Variants in DENND4A observed in about 807,000 individuals in gnomAD.
The protein encoded by DENND4A is DENN domain containing 4A, also known as C-myc promoter-binding protein.
A neutral mutation model predicts 199.3 loss-of-function variants in DENND4A; 70 were observed. That is an observed-to-expected ratio of 0.35 (90% CI 0.29 to 0.43). The LOEUF (loss-of-function observed/expected upper bound fraction) is 0.43, where lower values mean the gene tolerates loss of function less well. DENND4A is among the 20% of genes least tolerant of loss of function. The pLI is 1.00. For missense variants in DENND4A, 1,723 were observed against 2,255.8 expected (o/e 0.76, Z 4.78); for synonymous variants, 686 against 766.9 (o/e 0.89, Z 1.74).
chr15:65,702,599 C>A, intron 16 of DENND4A, 88 bp from the exon 17 acceptor site: 1 of 1,141,208 alleles, frequency 8.8e-7, no homozygotes, highest in Non-Finnish European at 1.3e-6. Flanking sequence ...AAGTCACATG[C>A]TTTTATAATG....
intron 1 of DENND4A, among the ~76,000 whole-genome samples, chr15:65,775,932 A>G (rs775264556): frequency 4.6e-5 from 7 of 152,208 alleles, no homozygotes; most frequent in Non-Finnish European, 8.8e-5. Context: ...CCACCTTTGC[A>G]AATTCAGTTC....
Position 65,781,423 on chromosome 15 carries a change from G to A in DENND4A, c.-102+10587C>T, listed in dbSNP as rs147853526. Among the ~76,000 whole-genome samples the A allele has an allele frequency of 4.2e-3, 644 of 152,236 alleles. 7 individuals are homozygous for A. The highest frequency in any genetic ancestry group is 0.015 in the African/African-American group (609 of 41,522). ...ATAAAACCGAAGACAGGAAAACTAC[G>A]AAAAAGTAAGGAAATAGTTCCTAAT... On this transcript the variant is annotated intron_variant, in intron 1 of 32. Coordinates refer to ENST00000443035, the MANE Select transcript of DENND4A (RefSeq NM_001320835.1).
At chr15:65,727,811 A>C (rs985576636) in intron 11 of DENND4A, 2 of 399,728 alleles carry the variant, frequency 5.0e-6, no homozygotes. Context: ...AAGGGACACA[A>C]AACAATACAG....
chr15:65,676,444 C>T lies in DENND4A; in HGVS notation c.4369+1G>A, dbSNP rs201112952. ...AGTATGACAGAACTGTTTGGACAAA[C>T]CTTCCAAGGATGCAGAACTTTCCAG... is the stretch of plus-strand genomic sequence containing the variant. On this transcript the variant is annotated splice_donor_variant, in intron 24 of 32. Coordinates refer to ENST00000443035, the MANE Select transcript of DENND4A (RefSeq NM_001320835.1). LOFTEE classifies it high-confidence loss of function. 2 of 1,595,858 alleles carry T rather than the reference C, an allele frequency of 1.3e-6. No individual in the cohort carries two copies. Among genetic ancestry groups the T allele is most frequent in the Non-Finnish European group, 1.7e-6 (2 of 1,170,234 alleles).
intron 14 of DENND4A, among the ~76,000 whole-genome samples, chr15:65,714,747 C>T (rs978810979): frequency 2.0e-5 from 3 of 152,186 alleles, no homozygotes; most frequent in African/African-American, 4.8e-5. Flanking sequence ...GGTTCTGACA[C>T]CCTGTAGCAG....
Position 65,701,175 on chromosome 15 carries a change from G to C in DENND4A, c.2577C>G (p.Thr859=). 1 of 1,591,138 alleles carries C rather than the reference G, an allele frequency of 6.3e-7. No individual in the cohort carries two copies. Among genetic ancestry groups the C allele is most frequent in the Non-Finnish European group, 8.5e-7 (1 of 1,173,224 alleles). ...GYYNKAVLES[T]WPSRSRSGYF... is the part of the protein sequence containing the mutation. Reference sequence around the variant, plus strand: ...AGCCACTACGACTTCTTGAAGGCCAGGTACTTTCCAAAACAGCCTATTCAT... The same window carrying C: ...AGCCACTACGACTTCTTGAAGGCCACGTACTTTCCAAAACAGCCTATTCAT... Residue 859 remains threonine, a synonymous_variant, in exon 19 of 33, where the codon ACC becomes ACG. Transcript: ENST00000443035.
rs770699120 is a variant in DENND4A, at chr15:65,691,206, G to A, written c.3388C>T (p.Pro1130Ser). ...RPNTLDIGKP[P>S]LRSKRDSLEK... is the part of the protein sequence containing the mutation. ...AGACTGTCTCTTTTTGATCTTAAAG[G>A]TGGCTTCCCAATATCAAGAGTATTT... is the stretch of plus-strand genomic sequence containing the variant. The change falls in exon 23 of 33, where the codon CCT (proline) becomes TCT (serine). Residue 1130 changes from proline (P) to serine (S), a missense_variant. Transcript: ENST00000443035. The A allele has an allele frequency of 4.3e-6, 7 of 1,613,212 alleles. No individual in the cohort carries two copies. The East Asian group carries it at 1.3e-4, about 31-fold the overall frequency.
At chr15:65,697,582 G>T (rs2077190974) in intron 20 of DENND4A, among the ~76,000 whole-genome samples, 199 bp from the exon 21 acceptor site, 1 of 152,084 alleles carries the variant, frequency 6.6e-6, no homozygotes, top group South Asian at 2.1e-4. Context: ...ATTAATATAA[G>T]AAAGAGATGA....
chr15:65,729,050 A>G lies in DENND4A; in HGVS notation c.1487+22T>C, dbSNP rs373202735. The G allele has an allele frequency of 1.1e-4, 169 of 1,555,956 alleles. 1 individual carries two copies. In the African/African-American group the frequency reaches 2.0e-3, roughly 19 times the overall value. On this transcript the variant is annotated intron_variant, in intron 11 of 32. Coordinates refer to ENST00000443035, the MANE Select transcript of DENND4A (RefSeq NM_001320835.1). Reference sequence around the variant, plus strand: ...CTACAAAGTTGTAAAATATACATGTAGAATCACTAAAATGTACTTACTGAG... The same window carrying G: ...CTACAAAGTTGTAAAATATACATGTGGAATCACTAAAATGTACTTACTGAG...
chr15:65,671,830 C>T lies in DENND4A; in HGVS notation c.4426G>A (p.Ala1476Thr), dbSNP rs368688439. The change falls in exon 25 of 33, where the codon GCG (alanine) becomes ACG (threonine). Residue 1476 changes from alanine (A) to threonine (T), a missense_variant. Ala to Thr is a moderately conservative substitution (Grantham distance 58). This residue lies in a region of DENND4A where 650 missense variants were observed against 738.1 expected (regional missense o/e 0.88). Transcript: ENST00000443035. Reference protein sequence around the residue: ...GKSEVTSSFNASNTNIFQNYA... With the variant: ...GKSEVTSSFNTSNTNIFQNYA... The stretch of plus-strand genomic sequence containing the variant: ...TTCTGGAAGATATTTGTATTACTCG[C>T]GTTGAAGGAAGATGTCACTTCTGAT... 138 of 1,612,590 alleles carry T rather than the reference C, an allele frequency of 8.6e-5. No individual in the cohort carries two copies. In the South Asian group the frequency reaches 9.9e-4, roughly 12 times the overall value.
Position 65,690,482 on chromosome 15 carries a change from C to T in DENND4A, c.4112G>A (p.Gly1371Glu), listed in dbSNP as rs777761981. The T allele has an allele frequency of 1.2e-6, 2 of 1,610,332 alleles. No individual in the cohort carries two copies. Among genetic ancestry groups the T allele is most frequent in the Non-Finnish European group, 1.7e-6 (2 of 1,178,314 alleles). ...DVLRNSMFTA[G>E]KGVAEKASKW... ...GCTTGCTTTCTCTGCAACTCCTTTT[C>T]CAGCAGTGAACATACTGTTTCTTAG... Residue 1371 changes from glycine (G) to glutamate (E), a missense_variant, in exon 23 of 33, where the codon GGA becomes GAA. Transcript: ENST00000443035.
chr15:65,667,722 C>A lies in DENND4A; in HGVS notation c.4987-19G>T, dbSNP rs1161106637. On this transcript the variant is annotated intron_variant, in intron 28 of 32. Transcript: ENST00000443035. ...AAGAATCCTGTTGAATAAATAAAAA[C>A]CATAAATGGCAAATGCAAAATAATA... The A allele has an allele frequency of 1.9e-6, 3 of 1,593,456 alleles. No homozygotes were observed. The highest frequency in any genetic ancestry group is 1.8e-5 in the Admixed American group (1 of 55,160).
intron 24 of DENND4A, among the ~76,000 whole-genome samples, chr15:65,676,141 A>AAAATATATATATATATAT (rs1362535499): frequency 1.2e-4 from 13 of 110,452 alleles, no homozygotes; most frequent in Admixed American, 3.7e-4. Context: ...AATAAGGAAA[A>AAAATATATATATATATAT]ATATATATAT....
intron 1 of DENND4A, among the ~76,000 whole-genome samples, chr15:65,774,901 TCACTC>T: frequency 6.7e-6 from 1 of 149,192 alleles, no homozygotes. Flanking sequence ...AGACAAGGTT[TCACTC>T]TGTTACCCAG....
At chr15:65,722,307 A>G (rs1319560106) in intron 12 of DENND4A, among the ~76,000 whole-genome samples, 1 of 152,124 alleles carries the variant, frequency 6.6e-6, no homozygotes, top group Non-Finnish European at 1.5e-5. Context: ...TCTGTAACAA[A>G]TTAAAAAATT....
intron 22 of DENND4A, among the ~76,000 whole-genome samples, chr15:65,693,545 G>A (rs2077044462): frequency 6.6e-6 from 1 of 151,704 alleles, no homozygotes; most frequent in Admixed American, 6.6e-5. Flanking sequence ...CTTTGAACAC[G>A]CTGTGGGATT....
chr15:65,721,281 A>G (rs2075633267), intron 12 of DENND4A, among the ~76,000 whole-genome samples: 1 of 151,976 alleles, frequency 6.6e-6, no homozygotes, highest in Non-Finnish European at 1.5e-5. Context: ...TAATTTGTTT[A>G]ATATCCCAAT....
intron 4 of DENND4A, among the ~76,000 whole-genome samples, chr15:65,742,052 A>G (rs2076274045): frequency 6.6e-6 from 1 of 152,198 alleles, no homozygotes. Context: ...AGTCACAACC[A>G]TTTAGATTTT....
intron 11 of DENND4A, among the ~76,000 whole-genome samples, chr15:65,725,707 G>T (rs1406727393): frequency 1.3e-5 from 2 of 151,654 alleles, no homozygotes; most frequent in Non-Finnish European, 1.5e-5. Flanking sequence ...ATAAAAAAAA[G>T]AACCACCTCA....
Sources: allele counts gnomAD v4.1 joint callset (sites outside exome capture counted in the v4.1 genomes callset), GRCh38; gene constraint gnomAD v4.1.1; regional missense constraint gnomAD v4.1.1; transcripts MANE v1.5; gene names NCBI Gene and HGNC (gene_info 2026-07-23, HGNC 2026-07-21).